SCYL2: variants seen among roughly 807,000 people sequenced by gnomAD.
SCYL2 encodes SCY1 like pseudokinase 2.
Under a neutral mutation model 100.4 loss-of-function variants are expected in SCYL2, and 36 were observed. The observed-to-expected ratio is 0.36, with a 90% CI of 0.27 to 0.47. The LOEUF is 0.47. Ranked by LOEUF, SCYL2 falls within the 20% of genes least tolerant of loss-of-function variation. The pLI, the probability that SCYL2 is intolerant of heterozygous loss-of-function variation, is 1.00. For missense variants in SCYL2, 902 were observed against 1,083.9 expected (o/e 0.83, Z 2.36); for synonymous variants, 330 against 359.2 (o/e 0.92, Z 0.92).
intron 13 of SCYL2, among the ~76,000 whole-genome samples, chr12:100,332,266 T>G (rs1338411100): frequency 2.6e-5 from 4 of 152,172 alleles, no homozygotes; most frequent in Non-Finnish European, 5.9e-5. Context: ...CTGCCTGGCA[T>G]GTACTCAAAT....
chr12:100,339,023 G>C lies in SCYL2; in HGVS notation c.2641G>C (p.Val881Leu), dbSNP rs146989394. The C allele has an allele frequency of 3.8e-5, 62 of 1,614,042 alleles. No individual in the cohort carries two copies. The highest frequency in any genetic ancestry group is 4.9e-5 in the Non-Finnish European group (58 of 1,179,976). ...PQGSPTMGSSVMGTQMNVIGQ... is the reference protein window; with the variant it reads ...PQGSPTMGSSLMGTQMNVIGQ... ...AGGTTCTCCAACTATGGGCAGTTCA[G>C]TAATGGGGACACAGATGAACGTGAT... Residue 881 changes from valine (V) to leucine (L), a missense_variant, in exon 18 of 18, where the codon GTA becomes CTA. Coordinates refer to ENST00000360820, the MANE Select transcript of SCYL2 (RefSeq NM_017988.6).
At chr12:100,297,294 A>G (rs1470236015) in intron 3 of SCYL2, among the ~76,000 whole-genome samples, 1 of 152,194 alleles carries the variant, frequency 6.6e-6, no homozygotes, top group Admixed American at 6.5e-5. Context: ...GAGGTTCAGA[A>G]CAGTAGTGTC....
At chr12:100,328,029 G>A (rs1055724740) in intron 12 of SCYL2, among the ~76,000 whole-genome samples, 8 of 152,126 alleles carry the variant, frequency 5.3e-5, no homozygotes, top group Non-Finnish European at 1.0e-4. Context: ...TGTATTCCCA[G>A]CACTTTGGGA....
intron 2 of SCYL2, among the ~76,000 whole-genome samples, chr12:100,287,445 C>T (rs1009939530): frequency 3.9e-5 from 6 of 152,226 alleles, no homozygotes; most frequent in East Asian, 3.9e-4. Context: ...AGACGTGTGC[C>T]GCCATGCCTG....
intron 4 of SCYL2, among the ~76,000 whole-genome samples, chr12:100,307,180 A>C (rs1464653604): frequency 6.6e-6 from 1 of 152,206 alleles, no homozygotes; most frequent in East Asian, 1.9e-4. Context: ...GAACCTGTAT[A>C]GCCAAGACAA....
At position 100,335,802 on chromosome 12, in the gene SCYL2, C is replaced by A. The variant is rs1274029476; in HGVS notation, c.1930-9C>A. 1 of 1,609,926 alleles carries A rather than the reference C, an allele frequency of 6.2e-7. No homozygotes were observed. Among genetic ancestry groups the A allele is most frequent in the Admixed American group, 1.7e-5 (1 of 59,726 alleles). On this transcript the variant is annotated splice_polypyrimidine_tract_variant and intron_variant, in intron 15 of 17. Coordinates refer to ENST00000360820, the MANE Select transcript of SCYL2 (RefSeq NM_017988.6). Reference sequence around the variant, plus strand: ...ACTTATTTAAATTATTGACATTTTTCTATTTCAGCAAATTGACAAAGTTTT... The same window carrying A: ...ACTTATTTAAATTATTGACATTTTTATATTTCAGCAAATTGACAAAGTTTT...
intron 3 of SCYL2, among the ~76,000 whole-genome samples, chr12:100,294,161 A>ACC (rs1242808547): frequency 3.9e-4 from 48 of 121,626 alleles, no homozygotes; most frequent in African/African-American, 1.5e-3. Context: ...CGGGGGGCTG[A>ACC]CTCCCCCACC....
chr12:100,339,078 A>G lies in SCYL2; in HGVS notation c.2696A>G (p.Asn899Ser). The G allele has an allele frequency of 6.2e-7, 1 of 1,614,074 alleles. No individual in the cohort carries two copies. The highest frequency in any genetic ancestry group is 8.5e-7 in the Non-Finnish European group (1 of 1,179,950). Residue 899 changes from asparagine to serine, a missense_variant, in exon 18 of 18, where the codon AAT becomes AGT. Physicochemically the swap from Asn to Ser is conservative, Grantham distance 46. Coordinates refer to ENST00000360820, the MANE Select transcript of SCYL2 (RefSeq NM_017988.6). ...CAATCTGCTTTTGGTATGCAGGGTA[A>G]TCCTTTCTTTAACCCACAGAACTTT... Reference protein sequence around the residue: ...IGQSAFGMQGNPFFNPQNFAQ... With the variant: ...IGQSAFGMQGSPFFNPQNFAQ...
At chr12:100,294,806 C>G (rs1278393269) in intron 3 of SCYL2, among the ~76,000 whole-genome samples, 2 of 149,626 alleles carry the variant, frequency 1.3e-5, no homozygotes, top group Non-Finnish European at 1.5e-5. Context: ...CTGACCCCCC[C>G]ACCTCCCTCC....
At position 100,323,553 on chromosome 12, in the gene SCYL2, T is replaced by G. The variant is rs1308064981; in HGVS notation, c.1424T>G (p.Phe475Cys). Residue 475 changes from phenylalanine (F) to cysteine (C), a missense_variant, in exon 11 of 18, where the codon TTT becomes TGT. Phe to Cys is a radical substitution (Grantham distance 205). Coordinates refer to ENST00000360820, the MANE Select transcript of SCYL2 (RefSeq NM_017988.6). ...QELCLNIIPTFANLIDYPSMK... is the reference protein window; with the variant it reads ...QELCLNIIPTCANLIDYPSMK... ...CTCTGTCTAAACATCATTCCAACCT[T>G]TGCAAATCTTATAGACTACCCATCC... 6.2e-7 allele frequency: 1 copy of G among 1,600,668 alleles called. No homozygotes were observed. The highest frequency in any genetic ancestry group is 8.5e-7 in the Non-Finnish European group (1 of 1,171,398).
chr12:100,294,375 G>A (rs1161684110), intron 3 of SCYL2, among the ~76,000 whole-genome samples: 2 of 117,178 alleles, frequency 1.7e-5, no homozygotes, highest in African/African-American at 3.3e-5. Context: ...GGCTGGCCGG[G>A]CGGGGGGCTG....
At chr12:100,298,732 C>T (rs2096323985) in intron 4 of SCYL2, among the ~76,000 whole-genome samples, 1 of 152,052 alleles carries the variant, frequency 6.6e-6, no homozygotes, top group Non-Finnish European at 1.5e-5. Flanking sequence ...TACAGGCGTG[C>T]ACCACCACGC....
At chr12:100,275,813 T>C (rs1345765589) in intron 1 of SCYL2, among the ~76,000 whole-genome samples, 1 of 152,232 alleles carries the variant, frequency 6.6e-6, no homozygotes, top group Non-Finnish European at 1.5e-5. Context: ...TAGCTGTAAT[T>C]ATTCAAAGAT....
At chr12:100,335,057 T>C in intron 14 of SCYL2, among the ~76,000 whole-genome samples, 1 of 152,000 alleles carries the variant, frequency 6.6e-6, no homozygotes, top group East Asian at 1.9e-4. Flanking sequence ...TATTCTATAG[T>C]GTGTATGTAT....
intron 3 of SCYL2, among the ~76,000 whole-genome samples, chr12:100,294,981 C>A: frequency 6.9e-6 from 1 of 145,902 alleles, no homozygotes; most frequent in East Asian, 2.1e-4. Context: ...ACTTCTCAGA[C>A]GGGGTGGCCG....
At chr12:100,317,704 A>G in intron 9 of SCYL2, 99 bp from the exon 10 acceptor site, 2 of 1,431,996 alleles carry the variant, frequency 1.4e-6, no homozygotes, top group Non-Finnish European at 1.8e-6. Flanking sequence ...TGAGTGTCAA[A>G]ATATATGAGT....
intron 2 of SCYL2, among the ~76,000 whole-genome samples, chr12:100,290,752 C>T (rs1187969835): frequency 1.3e-5 from 2 of 152,014 alleles, no homozygotes; most frequent in Admixed American, 6.6e-5. Context: ...GTTTATTTTG[C>T]GTTATTACCA....
Position 100,338,862 on chromosome 12 carries a change from C to A in SCYL2, c.2480C>A (p.Ala827Glu), listed in dbSNP as rs539805486. The change falls in exon 18 of 18, where the codon GCA (alanine) becomes GAA (glutamate). Residue 827 changes from alanine to glutamate, a missense_variant. Transcript: ENST00000360820. The part of the protein sequence containing the change: ...FNALSVPPAG[A>E]KQTQQRPTDM... ...GCTTTGAGTGTTCCTCCTGCTGGTG[C>A]AAAGCAGACCCAACAAAGACCCACA... The A allele has an allele frequency of 6.2e-7, 1 of 1,614,124 alleles. No homozygotes were observed. Among genetic ancestry groups the A allele is most frequent in the Non-Finnish European group, 8.5e-7 (1 of 1,179,984 alleles).
intron 13 of SCYL2, among the ~76,000 whole-genome samples, chr12:100,329,939 C>G (rs1221367323): frequency 6.6e-6 from 1 of 152,176 alleles, no homozygotes; most frequent in South Asian, 2.1e-4. Flanking sequence ...AACATGGCAA[C>G]TTGTTTCATC....
Sources: gnomAD v4.1 joint callset for allele counts (sites outside exome capture counted in the v4.1 genomes callset) on GRCh38, gnomAD v4.1.1 for gene constraint, MANE v1.5 for transcripts, NCBI Gene and HGNC (gene_info 2026-07-23, HGNC 2026-07-21) for gene names.